Variants in ZNF521 observed in about 807,000 individuals in gnomAD.
ZNF521 encodes the protein zinc finger protein 521, also known as LYST-interacting protein 3.
ZNF521 carries 14 observed loss-of-function variants against 105.5 expected under a neutral mutation model. The ratio of observed to expected loss-of-function variants is 0.13; its 90% CI spans 0.09 to 0.21. ZNF521 has a LOEUF of 0.21. Ranked by LOEUF, ZNF521 falls within the 10% of genes least tolerant of loss-of-function variation. The pLI, the probability that ZNF521 is intolerant of heterozygous loss-of-function variation, is 1.00. For missense variants in ZNF521, 1,233 were observed against 1,629.7 expected, an observed-to-expected ratio of 0.76 and a Z score of 4.19; for synonymous variants, 635 against 606.0, an observed-to-expected ratio of 1.05 and a Z score of -0.70.
At chr18:25,181,059 C>T (rs1030088853) in intron 5 of ZNF521, among the ~76,000 whole-genome samples, 2 of 152,154 alleles carry the variant, frequency 1.3e-5, no homozygotes, top group African/African-American at 4.8e-5. Context: ...ATTACCCTAT[C>T]CCCCAAAGGC....
intron 7 of ZNF521, among the ~76,000 whole-genome samples, chr18:25,076,749 C>G (rs937253402): frequency 6.6e-6 from 1 of 152,156 alleles, no homozygotes; most frequent in Admixed American, 6.5e-5. Flanking sequence ...TGTATTGACG[C>G]TTGAATCTAC....
intron 5 of ZNF521, among the ~76,000 whole-genome samples, chr18:25,149,711 CT>C (rs369699078): frequency 7.2e-5 from 11 of 152,142 alleles, no homozygotes; most frequent in African/African-American, 2.7e-4. Flanking sequence ...TCTTAAGAAG[CT>C]GGGGGCCACA....
rs1320205060 is a variant in ZNF521 at position 25,224,803 on chromosome 18, C to A, written c.3115G>T (p.Gly1039Trp). The A allele has an allele frequency of 6.2e-7, 1 of 1,614,056 alleles. No individual in the cohort carries two copies. Among genetic ancestry groups the A allele is most frequent in the Non-Finnish European group, 8.5e-7 (1 of 1,180,012 alleles). Residue 1039 changes from glycine to tryptophan, a missense_variant, in exon 4 of 8, where the codon GGG (glycine) becomes TGG (tryptophan). Physicochemically the swap from Gly to Trp is radical, Grantham distance 184. This residue lies in a region of ZNF521 where 614 missense variants were observed against 751.5 expected (regional missense o/e 0.82). Coordinates refer to ENST00000361524, the MANE Select transcript of ZNF521 (RefSeq NM_015461.3). ...CCTGTCTTTTGCATGTGGAACGTCC[C>A]ATGGATTTTGAGTTCCAAGGTGGAG... The part of the protein sequence containing the change: ...VTSTLELKIH[G>W]TFHMQKTGNG...
chr18:25,205,332 A>T (rs986905386), intron 4 of ZNF521, among the ~76,000 whole-genome samples: 3 of 152,134 alleles, frequency 2.0e-5, no homozygotes, highest in Admixed American at 6.6e-5. Flanking sequence ...TGTTCATGTC[A>T]TTCAAGAAAG....
At chr18:25,131,750 T>G (rs1282458404) in intron 5 of ZNF521, among the ~76,000 whole-genome samples, 1 of 152,180 alleles carries the variant, frequency 6.6e-6, no homozygotes, top group South Asian at 2.1e-4. Flanking sequence ...ACAACCTCTA[T>G]AGTAATATCC....
chr18:25,172,183 A>G lies in ZNF521; in HGVS notation c.3658+22977T>C, dbSNP rs79740646. Among the ~76,000 whole-genome samples, 591 of 152,288 alleles carry G rather than the reference A, an allele frequency of 3.9e-3. 1 individual carries two copies. The highest frequency in any genetic ancestry group is 0.014 in the African/African-American group (575 of 41,562). On this transcript the variant is annotated intron_variant, in intron 5 of 7. Transcript: ENST00000361524. ...AGATTGAGAGGAAAACCATACACCC[A>G]TTTAGGCCTGAAATTATATCAGACA...
intron 5 of ZNF521, among the ~76,000 whole-genome samples, chr18:25,105,569 T>C (rs1465039759): frequency 6.6e-6 from 1 of 152,158 alleles, no homozygotes; most frequent in Non-Finnish European, 1.5e-5. Flanking sequence ...TATATAGCCC[T>C]TTACAATTTT....
chr18:25,145,370 ATAACT>A (rs1172217210), intron 5 of ZNF521, among the ~76,000 whole-genome samples: 4 of 152,288 alleles, frequency 2.6e-5, no homozygotes, highest in Admixed American at 6.5e-5. Context: ...TTTAAAACAA[ATAACT>A]TAACCTCCTA....
chr18:25,097,312 T>C (rs1400383575), intron 5 of ZNF521, among the ~76,000 whole-genome samples: 1 of 152,148 alleles, frequency 6.6e-6, no homozygotes, highest in Non-Finnish European at 1.5e-5. Flanking sequence ...AAACACACTG[T>C]GGTGCTAATT....
At chr18:25,269,235 C>T (rs771047170) in intron 3 of ZNF521, among the ~76,000 whole-genome samples, 23 of 152,010 alleles carry the variant, frequency 1.5e-4, no homozygotes, top group Non-Finnish European at 2.9e-4. Context: ...ACAAGAAGAG[C>T]TAACTATCCG....
chr18:25,072,861 C>T (rs2033260869), intron 7 of ZNF521, among the ~76,000 whole-genome samples: 1 of 152,136 alleles, frequency 6.6e-6, no homozygotes, highest in Admixed American at 6.5e-5. Flanking sequence ...CCAGTTGTTG[C>T]TAAGCTTTAA....
intron 2 of ZNF521, among the ~76,000 whole-genome samples, chr18:25,329,942 A>G (rs187777514): frequency 1.6e-5 from 2 of 128,518 alleles, no homozygotes; most frequent in South Asian, 2.3e-4. Flanking sequence ...CACTATGGAA[A>G]CAGGATCTGG....
At chr18:25,290,528 CT>C (rs1228137853) in intron 3 of ZNF521, among the ~76,000 whole-genome samples, 1 of 151,754 alleles carries the variant, frequency 6.6e-6, no homozygotes, top group African/African-American at 2.4e-5. Flanking sequence ...CCACTGTTTG[CT>C]ACCAAATTTT....
intron 3 of ZNF521, among the ~76,000 whole-genome samples, chr18:25,283,451 C>T (rs891142566): frequency 5.9e-5 from 9 of 152,182 alleles, no homozygotes; most frequent in South Asian, 2.1e-4. Flanking sequence ...TCTCCAATTA[C>T]TGGACCACAA....
chr18:25,193,052 G>T (rs2035845596), intron 5 of ZNF521, among the ~76,000 whole-genome samples: 1 of 152,076 alleles, frequency 6.6e-6, no homozygotes, highest in Non-Finnish European at 1.5e-5. Context: ...CTTCTCTGAT[G>T]AAAGGTGAAT....
chr18:25,181,350 G>A (rs146381321), intron 5 of ZNF521, among the ~76,000 whole-genome samples: 563 of 152,292 alleles, frequency 3.7e-3, no homozygotes, highest in African/African-American at 0.013. Context: ...CTCAGTATTA[G>A]TGCTCTCTGC....
chr18:25,302,162 A>T (rs528983196), intron 3 of ZNF521: 2 of 151,870 alleles, frequency 1.3e-5, no homozygotes, highest in South Asian at 2.1e-4. Flanking sequence ...TTTCATTTGC[A>T]TGGATTATCT....
chr18:25,073,107 C>T (rs919834575), intron 7 of ZNF521, among the ~76,000 whole-genome samples: 26 of 152,130 alleles, frequency 1.7e-4, no homozygotes, highest in African/African-American at 5.3e-4. Flanking sequence ...TCTCCGCCAG[C>T]TCTCGGTGCA....
intron 5 of ZNF521, among the ~76,000 whole-genome samples, chr18:25,151,417 T>C (rs986692539): frequency 6.6e-6 from 1 of 152,198 alleles, no homozygotes; most frequent in Non-Finnish European, 1.5e-5. Flanking sequence ...TTTAATGATT[T>C]ATGTTGTTAC....
Sources: allele counts gnomAD v4.1 joint callset (sites outside exome capture counted in the v4.1 genomes callset), GRCh38; gene constraint gnomAD v4.1.1; regional missense constraint gnomAD v4.1.1; transcripts MANE v1.5; gene names NCBI Gene and HGNC (gene_info 2026-07-23, HGNC 2026-07-21).